NPR3: variants seen among roughly 807,000 people sequenced by gnomAD.
NPR3 encodes natriuretic peptide receptor 3, also known as atrial natriuretic peptide receptor 3.
A neutral mutation model predicts 54.5 loss-of-function variants in NPR3; 34 were observed. The observed-to-expected ratio is 0.62, with a 90% confidence interval of 0.47 to 0.83. The LOEUF is 0.83. NPR3 is among the 40% of genes least tolerant of loss of function. The pLI is 0.00. For synonymous variants in NPR3, 289 were observed against 297.1 expected, an observed-to-expected ratio of 0.97 and a Z score of 0.28; for missense variants, 674 against 720.8, an observed-to-expected ratio of 0.94 and a Z score of 0.74.
At position 32,711,542 on chromosome 5, in the gene NPR3, G is replaced by T; in HGVS notation, c.-235G>T. Reference sequence around the variant, plus strand: ...ATTACAGACGCACAGGTTTACACCCGGTGAACTTTTTCTTTTTCTTTTTCT... The same window carrying T: ...ATTACAGACGCACAGGTTTACACCCTGTGAACTTTTTCTTTTTCTTTTTCT... On this transcript the variant is annotated 5_prime_UTR_variant, in exon 1 of 8. Transcript: ENST00000265074. The T allele has an allele frequency of 3.4e-6, 2 of 586,336 alleles. No individual in the cohort carries two copies. Among genetic ancestry groups the T allele is most frequent in the Non-Finnish European group, 4.2e-6 (2 of 475,872 alleles). The allele number at this position is 586,336 out of a possible 1,614,324, so 36.3% of individuals were successfully genotyped here. A position where few individuals can be genotyped will look rare whatever the true frequency, so the allele number is the denominator to read the frequency against.
At chr5:32,749,752 C>T (rs1740481439) in intron 3 of NPR3, among the ~76,000 whole-genome samples, 1 of 152,168 alleles carries the variant, frequency 6.6e-6, no homozygotes, top group African/African-American at 2.4e-5. Context: ...ATGCTTCACC[C>T]AATCTTCAGC....
rs142215769 is a variant in NPR3 at position 32,723,524 on chromosome 5, C to T, written c.770-1174C>T. Among the ~76,000 whole-genome samples the T allele has an allele frequency of 4.3e-3, 653 of 152,198 alleles. 23 individuals are homozygous for T. The highest frequency in any genetic ancestry group is 0.04 in the Admixed American group (614 of 15,294). On this transcript the variant is annotated intron_variant, in intron 1 of 7. Transcript: ENST00000265074. ...TCAAACAGCAGAAAGCTTGTAGCAC[C>T]CTCTGAATCCTCTGATTTGCTAAGT...
At chr5:32,695,724 G>A (rs1561065288) in intron 1 of NPR3, among the ~76,000 whole-genome samples, 1 of 152,206 alleles carries the variant, frequency 6.6e-6, no homozygotes, top group Non-Finnish European at 1.5e-5. Flanking sequence ...TTTAACTGTG[G>A]TGAGATGATA....
At chr5:32,783,572 G>A (rs1434422018) in intron 6 of NPR3, 2 of 152,318 alleles carry the variant, frequency 1.3e-5, no homozygotes. Context: ...AGAGAATAAG[G>A]TAGTGAGGGA....
At chr5:32,716,574 T>G in intron 1 of NPR3, 1 of 362,674 alleles carries the variant, frequency 2.8e-6, no homozygotes, top group East Asian at 7.4e-5. Context: ...ATTGCCCTAT[T>G]TGAATAGCCA....
At chr5:32,730,450 A>G (rs1234150009) in intron 2 of NPR3, among the ~76,000 whole-genome samples, 2 of 152,178 alleles carry the variant, frequency 1.3e-5, no homozygotes, top group Admixed American at 6.5e-5. Flanking sequence ...TACTCATTCA[A>G]TTTGCCACTG....
At chr5:32,726,875 A>G (rs1739164269) in intron 2 of NPR3, among the ~76,000 whole-genome samples, 1 of 152,220 alleles carries the variant, frequency 6.6e-6, no homozygotes, top group Non-Finnish European at 1.5e-5. Flanking sequence ...TTTTACAAAA[A>G]TATTCTTCAA....
chr5:32,782,779 G>T, intron 5 of NPR3, 114 bp from the exon 6 acceptor site: 1 of 1,024,244 alleles, frequency 9.8e-7, no homozygotes, highest in South Asian at 1.8e-5. Flanking sequence ...GAAATGCCCA[G>T]AGGCAGCCAG....
At chr5:32,699,578 C>A (rs1265861001) in intron 1 of NPR3, among the ~76,000 whole-genome samples, 1 of 152,156 alleles carries the variant, frequency 6.6e-6, no homozygotes, top group African/African-American at 2.4e-5. Flanking sequence ...AAAAACTCTG[C>A]ACTTTAACTT....
At position 32,711,849 on chromosome 5, in the gene NPR3, G is replaced by C. The variant is rs530006350; in HGVS notation, c.73G>C (p.Gly25Arg). 1 of 1,462,358 alleles carries C rather than the reference G, an allele frequency of 6.8e-7. No homozygotes were observed. The highest frequency in any genetic ancestry group is 9.0e-7 in the Non-Finnish European group (1 of 1,109,240). 90.6% of individuals were successfully genotyped at this position (1,462,358 alleles called of 1,614,324 possible). Residue 25 changes from glycine to arginine, a missense_variant, in exon 1 of 8, where the codon GGT becomes CGT. Physicochemically the swap from Gly to Arg is moderately radical, Grantham distance 125. Transcript: ENST00000265074. ...CTGGGCGTTGCTGGCCGGCGGCACC[G>C]GTGGCGGTGGCGTTGGCGGCGGCGG... is the stretch of plus-strand genomic sequence containing the variant. ...LGWALLAGGT[G>R]GGGVGGGGGG...
At chr5:32,731,304 T>A (rs1739436016) in intron 2 of NPR3, among the ~76,000 whole-genome samples, 1 of 152,228 alleles carries the variant, frequency 6.6e-6, no homozygotes, top group African/African-American at 2.4e-5. Context: ...ATATTTTACC[T>A]TTTACGCCAT....
At chr5:32,771,043 A>G (rs559358952) in intron 3 of NPR3, among the ~76,000 whole-genome samples, 7 of 150,948 alleles carry the variant, frequency 4.6e-5, no homozygotes, top group East Asian at 1.9e-4. Context: ...AGCTAACTTC[A>G]TACATGGTTT....
intron 2 of NPR3, among the ~76,000 whole-genome samples, chr5:32,726,004 T>C (rs1407073545): frequency 6.6e-6 from 1 of 152,104 alleles, no homozygotes; most frequent in African/African-American, 2.4e-5. Context: ...AGATAACAGG[T>C]ACAAGACATT....
At chr5:32,763,986 T>G (rs1741309912) in intron 3 of NPR3, among the ~76,000 whole-genome samples, 1 of 152,200 alleles carries the variant, frequency 6.6e-6, no homozygotes, top group Non-Finnish European at 1.5e-5. Context: ...TTGGACATAG[T>G]CTTGACTCCT....
chr5:32,772,387 G>T (rs966592511), intron 3 of NPR3, among the ~76,000 whole-genome samples: 1 of 152,192 alleles, frequency 6.6e-6, no homozygotes, highest in Non-Finnish European at 1.5e-5. Flanking sequence ...GCCAGGACTG[G>T]ACTGTGGGTC....
chr5:32,713,483 C>G (rs1419776452), intron 1 of NPR3: 7 of 982,756 alleles, frequency 7.1e-6, no homozygotes, highest in East Asian at 1.1e-4. Flanking sequence ...GGTATAGCGC[C>G]GATCCCTCCT....
intron 4 of NPR3, among the ~76,000 whole-genome samples, chr5:32,779,847 C>T (rs1742246898): frequency 6.6e-6 from 1 of 152,298 alleles, no homozygotes; most frequent in African/African-American, 2.4e-5. Flanking sequence ...ATTAACTTCC[C>T]TTAAATGTGC....
chr5:32,730,223 A>C (rs531673727), intron 2 of NPR3, among the ~76,000 whole-genome samples: 12 of 152,324 alleles, frequency 7.9e-5, no homozygotes, highest in African/African-American at 2.9e-4. Flanking sequence ...ACATGATCAT[A>C]TCAATAGATA....
intron 4 of NPR3, 108 bp from the exon 5 acceptor site, chr5:32,780,614 T>C: frequency 1.3e-6 from 1 of 757,436 alleles, no homozygotes; most frequent in East Asian, 2.5e-5. Flanking sequence ...AGATTCCCTG[T>C]GGCATGAGTT....
Sources: allele counts gnomAD v4.1 joint callset (sites outside exome capture counted in the v4.1 genomes callset), GRCh38; gene constraint gnomAD v4.1.1; transcripts MANE v1.5; gene names NCBI Gene and HGNC (gene_info 2026-07-23, HGNC 2026-07-21).